SGPP2: variants seen among roughly 807,000 people sequenced by gnomAD.
The protein encoded by SGPP2 is sphingosine-1-phosphate phosphatase 2, also known as sphingosine 1-phosphate phosphohydrolase 2.
SGPP2 carries 30 observed loss-of-function variants against 33.9 expected under a neutral mutation model. That is an observed-to-expected ratio of 0.89 (90% CI 0.66 to 1.20). The LOEUF is 1.20. Ranked by LOEUF, SGPP2 falls within the 50% of genes most tolerant of loss-of-function variation. The probability of loss-of-function intolerance (pLI) is 0.00; values close to 1 mark genes in which losing one functional copy is unlikely to be tolerated. For missense variants in SGPP2, 458 were observed against 532.1 expected (o/e 0.86, Z 1.37); for synonymous variants, 233 against 225.0 (o/e 1.04, Z -0.32).
At chr2:222,439,057 C>T (rs2106064669) in intron 1 of SGPP2, among the ~76,000 whole-genome samples, 1 of 152,276 alleles carries the variant, frequency 6.6e-6, no homozygotes, top group South Asian at 2.1e-4. Context: ...ATTACCTGAC[C>T]TCCATAAGCC....
At chr2:222,448,478 G>C (rs1329274192) in intron 1 of SGPP2, among the ~76,000 whole-genome samples, 1 of 152,184 alleles carries the variant, frequency 6.6e-6, no homozygotes, top group East Asian at 1.9e-4. Context: ...ATAAACATGG[G>C]CAAGTTAGCC....
intron 4 of SGPP2, among the ~76,000 whole-genome samples, chr2:222,532,514 C>A (rs1443718869): frequency 1.3e-5 from 2 of 152,086 alleles, no homozygotes; most frequent in Non-Finnish European, 1.5e-5. Flanking sequence ...ATGGCTGTGT[C>A]ATCATCCTCA....
At chr2:222,424,233 TC>T (rs1697021411), upstream of SGPP2, among the ~76,000 whole-genome samples, 1 of 132,770 alleles carries the variant, frequency 7.5e-6, no homozygotes, top group African/African-American at 2.9e-5. Flanking sequence ...GCTCGGCCGC[TC>T]CCATTAGTGT....
At chr2:222,475,535 A>C (rs1394328797) in intron 2 of SGPP2, among the ~76,000 whole-genome samples, 1 of 152,226 alleles carries the variant, frequency 6.6e-6, no homozygotes, top group Non-Finnish European at 1.5e-5. Flanking sequence ...AAGCAGTATT[A>C]AGTGATTATA....
chr2:222,528,296 C>T (rs192689413), intron 4 of SGPP2, among the ~76,000 whole-genome samples: 9 of 152,234 alleles, frequency 5.9e-5, no homozygotes, highest in South Asian at 2.1e-4. Flanking sequence ...AGAATCACAG[C>T]GGGTTCAGTT....
chr2:222,545,283 CT>C lies in SGPP2; in HGVS notation c.649-13048del, dbSNP rs544252205. ...TACATGGGTTTCAAAGAGCTTATGG[CT>C]TTTTTTTTTTTTTTTGAGACAGGGT... On this transcript the variant is annotated intron_variant, in intron 4 of 4. Coordinates refer to ENST00000321276, the MANE Select transcript of SGPP2 (RefSeq NM_152386.4). Among the ~76,000 whole-genome samples, 1,288 of 135,832 alleles carry C rather than the reference CT, an allele frequency of 9.5e-3. 4 individuals carry two copies. Among genetic ancestry groups the C allele is most frequent in the East Asian group, 0.036 (173 of 4,752 alleles). The allele number at this position is 135,832 out of a possible 152,430, so 89.1% of individuals were successfully genotyped here.
intron 2 of SGPP2, among the ~76,000 whole-genome samples, chr2:222,482,489 T>G (rs1285151104): frequency 2.0e-5 from 3 of 152,162 alleles, no homozygotes; most frequent in Non-Finnish European, 4.4e-5. Flanking sequence ...TTCGAATTCC[T>G]TGACTCAAGT....
chr2:222,534,830 T>C (rs150943911), intron 4 of SGPP2, among the ~76,000 whole-genome samples: 1 of 152,320 alleles, frequency 6.6e-6, no homozygotes, highest in Non-Finnish European at 1.5e-5. Context: ...AATAGGGAAT[T>C]ATTTCTAGTT....
At chr2:222,496,373 T>TGGAC (rs1698280902) in intron 2 of SGPP2, among the ~76,000 whole-genome samples, 2 of 152,344 alleles carry the variant, frequency 1.3e-5, no homozygotes, top group East Asian at 3.9e-4. Context: ...TTACCTTGTA[T>TGGAC]GGACCCTGGA....
At position 222,521,866 on chromosome 2, in the gene SGPP2, T is replaced by C. The variant is rs765278288; in HGVS notation, c.478T>C (p.Tyr160His). ...VKLEKRLIAE[Y>H]GMPSTHAMAA... ...ACTGGAAAAGAGACTGATCGCTGAA[T>C]ATGGAATGCCATCCACCCACGCCAT... Residue 160 changes from tyrosine (Y) to histidine (H), a missense_variant, in exon 3 of 5, where the codon TAT becomes CAT. By Grantham distance (83) the Tyr-to-His change is moderately conservative (BLOSUM62 2). Transcript: ENST00000321276. The C allele has an allele frequency of 6.2e-7, 1 of 1,611,384 alleles. No homozygotes were observed. The highest frequency in any genetic ancestry group is 2.2e-5 in the East Asian group (1 of 44,690).
chr2:222,445,531 GAGA>G (rs1697385714), intron 1 of SGPP2, among the ~76,000 whole-genome samples: 4 of 152,200 alleles, frequency 2.6e-5, no homozygotes, highest in African/African-American at 9.7e-5. Flanking sequence ...AAATTCCAGA[GAGA>G]AGGAGAATAG....
At chr2:222,473,924 C>CAAAAAAAA (rs59649395) in intron 1 of SGPP2, among the ~76,000 whole-genome samples, 6 of 127,458 alleles carry the variant, frequency 4.7e-5, no homozygotes, top group Admixed American at 2.3e-4. Context: ...AACTCTGTCT[C>CAAAAAAAA]AAAAAAAAAA....
intron 2 of SGPP2, among the ~76,000 whole-genome samples, chr2:222,502,906 A>C (rs540047552): frequency 1.3e-5 from 2 of 152,218 alleles, no homozygotes; most frequent in Non-Finnish European, 2.9e-5. Context: ...CACTGCCTCA[A>C]TTAGAGAGTT....
chr2:222,523,394 G>A (rs897414692), intron 3 of SGPP2, among the ~76,000 whole-genome samples: 1 of 152,178 alleles, frequency 6.6e-6, no homozygotes, highest in Non-Finnish European at 1.5e-5. Flanking sequence ...AGTGGGCCAA[G>A]CACCAGCTCC....
intron 4 of SGPP2, among the ~76,000 whole-genome samples, chr2:222,535,842 G>A (rs969759843): frequency 2.0e-5 from 3 of 152,196 alleles, no homozygotes; most frequent in Non-Finnish European, 2.9e-5. Context: ...GGCTTCAGAT[G>A]TGGTCCATTG....
intron 1 of SGPP2, among the ~76,000 whole-genome samples, chr2:222,470,079 A>G (rs1422576001): frequency 1.3e-5 from 2 of 152,170 alleles, no homozygotes; most frequent in African/African-American, 2.4e-5. Context: ...ACACATGGAC[A>G]CAGGGAGGGG....
rs1368047196 is a variant in SGPP2, at chr2:222,562,122, A to G, written c.*3224A>G. On this transcript the variant is annotated 3_prime_UTR_variant, in exon 5 of 5. Coordinates refer to ENST00000321276, the MANE Select transcript of SGPP2 (RefSeq NM_152386.4). ...ACAATGTAAGCCTATGGTCTGGCCA[A>G]CCTTGCTTTTGGGAACTGTGACACC... Among the ~76,000 whole-genome samples, 2 of 152,164 alleles carry G rather than the reference A, an allele frequency of 1.3e-5. No homozygotes were observed. The highest frequency in any genetic ancestry group is 2.9e-5 in the Non-Finnish European group (2 of 68,028).
At chr2:222,513,428 G>C (rs1034932000) in intron 2 of SGPP2, among the ~76,000 whole-genome samples, 7 of 152,098 alleles carry the variant, frequency 4.6e-5, no homozygotes, top group Non-Finnish European at 1.0e-4. Context: ...CTTATTCTCA[G>C]TGGTATTCCC....
intron 4 of SGPP2, among the ~76,000 whole-genome samples, chr2:222,526,826 A>T (rs1276248624): frequency 6.6e-6 from 1 of 152,140 alleles, no homozygotes; most frequent in Non-Finnish European, 1.5e-5. Flanking sequence ...AAACACATGG[A>T]CACAGGGAGG....
Sources: allele counts gnomAD v4.1 joint callset (sites outside exome capture counted in the v4.1 genomes callset), GRCh38; gene constraint gnomAD v4.1.1; transcripts MANE v1.5; gene names NCBI Gene and HGNC (gene_info 2026-07-23, HGNC 2026-07-21).